NAPA: variants seen among roughly 807,000 people sequenced by gnomAD.
The protein encoded by NAPA is NSF attachment protein alpha, also known as alpha-soluble NSF attachment protein.
NAPA carries 18 observed loss-of-function variants against 48.0 expected under a neutral mutation model. That is an observed-to-expected ratio of 0.38 (90% CI 0.26 to 0.56). The LOEUF is 0.56. Ranked by LOEUF, NAPA falls within the 20% of genes least tolerant of loss-of-function variation. The pLI, the probability that NAPA is intolerant of heterozygous loss-of-function variation, is 0.77. For missense variants in NAPA, 315 were observed against 385.0 expected, an observed-to-expected ratio of 0.82 and a Z score of 1.52; for synonymous variants, 152 against 149.9, an observed-to-expected ratio of 1.01 and a Z score of -0.10.
At chr19:47,502,410 C>G (rs1968600008) in intron 2 of NAPA, among the ~76,000 whole-genome samples, 1 of 152,000 alleles carries the variant, frequency 6.6e-6, no homozygotes, top group Non-Finnish European at 1.5e-5. Flanking sequence ...GAGGAATTTT[C>G]TAAGTTTGGG....
chr19:47,514,480 C>G (rs1319043533), intron 1 of NAPA, among the ~76,000 whole-genome samples: 1 of 152,202 alleles, frequency 6.6e-6, no homozygotes, highest in African/African-American at 2.4e-5. Context: ...TCCGTCCCCC[C>G]AGGCCGGTCC....
rs1599915595 is a variant in NAPA, at chr19:47,506,028, G to A, written c.99-2526C>T. ...TTTTTTTTTTTTGAGATGGAGTTTC[G>A]CTCTTGTCGCCCAGGCTGGAGTACA... is the stretch of plus-strand genomic sequence containing the variant. On this transcript the variant is annotated intron_variant, in intron 1 of 10. Transcript: ENST00000263354. The surrounding 1 kb of genome is among the most constrained non-coding windows in gnomAD (Gnocchi z 4.0). Among the ~76,000 whole-genome samples, 3 of 137,304 alleles carry A rather than the reference G, an allele frequency of 2.2e-5. No homozygotes were observed. The highest frequency in any genetic ancestry group is 2.1e-4 in the East Asian group (1 of 4,804). 90.1% of individuals were successfully genotyped at this position (137,304 alleles called of 152,430 possible). A position where few individuals can be genotyped will look rare whatever the true frequency, so the allele number is the denominator to read the frequency against.
chr19:47,491,868 G>C (rs1968275233), intron 8 of NAPA, 147 bp downstream of exon 8: 1 of 710,194 alleles, frequency 1.4e-6, no homozygotes, highest in African/African-American at 1.8e-5. Flanking sequence ...ACACAGCTGT[G>C]AGAACCACAC....
At position 47,492,077 on chromosome 19, in the gene NAPA, C is replaced by A. The variant is rs774426785; in HGVS notation, c.604G>T (p.Ala202Ser). Reference protein sequence around the residue: ...AMDSPLLKYSAKDYFFKAALC... With the variant: ...AMDSPLLKYSSKDYFFKAALC... ...GCCGCCTTGAAGAAGTAGTCTTTGG[C>A]GCTGTACTTGAGGAGGGGGCTGTCC... The change falls in exon 8 of 11, where the codon GCC (alanine) becomes TCC (serine). Residue 202 changes from alanine (A) to serine (S), a missense_variant. Ala to Ser is a moderately conservative substitution (Grantham distance 99, BLOSUM62 1). This residue lies in a region of NAPA where 137 missense variants were observed against 150.1 expected (regional missense o/e 0.91). Transcript: ENST00000263354. 6.2e-7 allele frequency: 1 copy of A among 1,614,080 alleles called. No individual in the cohort carries two copies. Among genetic ancestry groups the A allele is most frequent in the Admixed American group, 1.7e-5 (1 of 60,020 alleles).
rs373219759 is a variant in NAPA at position 47,493,389 on chromosome 19, C to A, written c.420+27G>T. The A allele has an allele frequency of 1.4e-5, 23 of 1,610,998 alleles. No homozygotes were observed. In the African/African-American group the frequency reaches 2.1e-4, roughly 15 times the overall value. On this transcript the variant is annotated intron_variant, in intron 5 of 10. Transcript: ENST00000263354. This position sits in a 1 kb window ranked among gnomAD's most constrained non-coding sequence, Gnocchi z 6.4. ...GAGCAGCACTGGTCCTGGCTGCCAG[C>A]CCATGCAGGGCCCTGCTGCCACTCA...
intron 1 of NAPA, among the ~76,000 whole-genome samples, chr19:47,513,846 CTTTTTT>C (rs776314156): frequency 1.7e-5 from 2 of 115,854 alleles, no homozygotes; most frequent in African/African-American, 7.5e-5. Flanking sequence ...TTCTTTCTTT[CTTTTTT>C]TTTTTTTTTT....
rs1968689188 is a variant in NAPA, at chr19:47,506,112, C to G, written c.99-2610G>C. On this transcript the variant is annotated intron_variant, in intron 1 of 10. Coordinates refer to ENST00000263354, the MANE Select transcript of NAPA (RefSeq NM_003827.4). The surrounding 1 kb of genome is among the most constrained non-coding windows in gnomAD (Gnocchi z 4.0). ...TCCCGGGTTCAAGCAATTCTCCTGC[C>G]TCAGCCTCCTGAGTAGCTGGGATTA... 6.6e-6 allele frequency among the ~76,000 whole-genome samples: 1 copy of G among 151,888 alleles called. No homozygotes were observed.
chr19:47,512,226 G>A (rs1968817498), intron 1 of NAPA, among the ~76,000 whole-genome samples: 1 of 152,016 alleles, frequency 6.6e-6, no homozygotes, highest in Non-Finnish European at 1.5e-5. Flanking sequence ...GTCTTTCCAG[G>A]CAGAACCTCC....
chr19:47,490,555 AGT>A (rs747188072), intron 9 of NAPA, among the ~76,000 whole-genome samples: 95 of 145,396 alleles, frequency 6.5e-4, no homozygotes, highest in African/African-American at 2.4e-3. Context: ...TGGTGTGTGT[AGT>A]GTGTGTGTGT....
At chr19:47,511,859 T>G (rs1004394574) in intron 1 of NAPA, among the ~76,000 whole-genome samples, 8 of 152,198 alleles carry the variant, frequency 5.3e-5, no homozygotes, top group Admixed American at 5.2e-4. Context: ...TTACCGGCAC[T>G]GCAACAGCCT....
At chr19:47,508,631 T>C (rs1352808086) in intron 1 of NAPA, among the ~76,000 whole-genome samples, 1 of 151,826 alleles carries the variant, frequency 6.6e-6, no homozygotes, top group Non-Finnish European at 1.5e-5. Flanking sequence ...TTCAGGTACT[T>C]TGCTAAGTGT....
chr19:47,514,701 C>T lies in NAPA; in HGVS notation c.98+142G>A, dbSNP rs1297659094. On this transcript the variant is annotated intron_variant, in intron 1 of 10. Coordinates refer to ENST00000263354, the MANE Select transcript of NAPA (RefSeq NM_003827.4). ...GGCCCTCAGCCTGCGTCCCCTCTGC[C>T]GCCTCAGGCCATGTCACCTTATTGC... The T allele has an allele frequency of 4.0e-6, 3 of 751,758 alleles. No homozygotes were observed. In the Admixed American group the frequency reaches 7.8e-5, roughly 20 times the overall value. The allele number at this position is 751,758 out of a possible 1,614,324, so 46.6% of individuals were successfully genotyped here. A position where few individuals can be genotyped will look rare whatever the true frequency, so the allele number is the denominator to read the frequency against.
intron 9 of NAPA, among the ~76,000 whole-genome samples, chr19:47,490,398 G>GGT (rs1048219873): frequency 6.7e-6 from 1 of 148,374 alleles, no homozygotes; most frequent in Admixed American, 6.7e-5. Flanking sequence ...TGTGTGGGGT[G>GGT]GTGTGTGTGT....
At chr19:47,499,014 T>C (rs2122752361) in intron 3 of NAPA, among the ~76,000 whole-genome samples, 1 of 152,334 alleles carries the variant, frequency 6.6e-6, no homozygotes, top group Admixed American at 6.5e-5. Context: ...TTGGCCTCTG[T>C]GCCCTGGATG....
intron 4 of NAPA, among the ~76,000 whole-genome samples, chr19:47,494,735 CAAA>C (rs11462456): frequency 4.5e-5 from 3 of 67,204 alleles, no homozygotes; most frequent in Admixed American, 1.8e-4. Flanking sequence ...AACTCTGTCT[CAAA>C]AAAAAAAAAA....
chr19:47,494,222 T>C (rs964961652), intron 4 of NAPA, among the ~76,000 whole-genome samples: 1 of 152,192 alleles, frequency 6.6e-6, no homozygotes, highest in Non-Finnish European at 1.5e-5. Flanking sequence ...ATCATGTCAC[T>C]TGTCTGAGCC....
chr19:47,484,706 AT>A (rs35425298), downstream of NAPA, among the ~76,000 whole-genome samples: 17,327 of 129,072 alleles, frequency 0.13, 859 homozygotes, highest in Admixed American at 0.2. Flanking sequence ...ACAGTTCACT[AT>A]TTTTTTTTTT....
chr19:47,514,574 C>A (rs1045010186), intron 1 of NAPA, among the ~76,000 whole-genome samples: 2 of 152,162 alleles, frequency 1.3e-5, no homozygotes, highest in Non-Finnish European at 2.9e-5. Context: ...CCCTTCCTCG[C>A]CTCAAGATAG....
In NAPA at chr19:47,509,289, A is replaced by AAAAAT. The variant is rs542864086; in HGVS notation, c.98+5549_98+5553dup. Among the ~76,000 whole-genome samples, 666 of 129,510 alleles carry AAAAAT rather than the reference A, an allele frequency of 5.1e-3. 7 individuals carry two copies. The highest frequency in any genetic ancestry group is 0.013 in the African/African-American group (405 of 31,816). 85.0% of individuals were successfully genotyped at this position (129,510 alleles called of 152,430 possible). A position where few individuals can be genotyped will look rare whatever the true frequency, so the allele number is the denominator to read the frequency against. On this transcript the variant is annotated intron_variant, in intron 1 of 10. Transcript: ENST00000263354. ...ATTCTAGAGAGTTTCTTGTGGTGGT[A>AAAAAT]AAAATAAAATAAAATAAAATAAAAT...
Sources: allele counts gnomAD v4.1 joint callset (sites outside exome capture counted in the v4.1 genomes callset), GRCh38; gene constraint gnomAD v4.1.1; regional missense constraint gnomAD v4.1.1; non-coding constraint Gnocchi (gnomAD v3.1); transcripts MANE v1.5; gene names NCBI Gene and HGNC (gene_info 2026-07-23, HGNC 2026-07-21).